The following PIWIL2 variants were observed in gnomAD, a reference collection of about 807,000 sequenced individuals.
PIWIL2 encodes piwi like RNA-mediated gene silencing 2.
A neutral mutation model predicts 116.5 loss-of-function variants in PIWIL2; 81 were observed. The ratio of observed to expected loss-of-function variants is 0.70; its 90% CI spans 0.58 to 0.84. PIWIL2 has a LOEUF of 0.84. Ranked by LOEUF, PIWIL2 falls within the 40% of genes least tolerant of loss-of-function variation. The probability of loss-of-function intolerance (pLI) is 0.00; values close to 1 mark genes in which losing one functional copy is unlikely to be tolerated. For synonymous variants in PIWIL2, 489 were observed against 429.5 expected (o/e 1.14, Z -1.71); for missense variants, 1,272 against 1,212.3 (o/e 1.05, Z -0.73).
intron 20 of PIWIL2, among the ~76,000 whole-genome samples, chr8:22,321,061 T>G (rs1385813367): frequency 1.3e-5 from 2 of 152,250 alleles, no homozygotes; most frequent in African/African-American, 4.8e-5. Context: ...CTCTGTTTCT[T>G]TATCTGAACT....
In PIWIL2 at chr8:22,356,073, A is replaced by G. The variant is rs947269668; in HGVS notation, c.*568A>G. ...GTTGACAAAGCAAGACTCTGTCTCA[A>G]AAAAAAAAAAAAAAAGCCAACATGA... On this transcript the variant is annotated 3_prime_UTR_variant, in exon 23 of 23. Coordinates refer to ENST00000356766, the MANE Select transcript of PIWIL2 (RefSeq NM_018068.5). The G allele has an allele frequency of 1.4e-5, 2 of 144,648 alleles. No homozygotes were observed. The highest frequency in any genetic ancestry group is 3.0e-5 in the Non-Finnish European group (2 of 66,238). The allele number at this position is 144,648 out of a possible 1,614,324, so 9.0% of individuals were successfully genotyped here. A position where few individuals can be genotyped will look rare whatever the true frequency, so the allele number is the denominator to read the frequency against.
intron 8 of PIWIL2, 80 bp from the exon 9 acceptor site, chr8:22,289,767 A>G: frequency 1.2e-6 from 1 of 847,436 alleles, no homozygotes; most frequent in Non-Finnish European, 2.0e-6. Context: ...CAGACTTCCA[A>G]AGGCAAATGT....
chr8:22,307,523 C>CCCAGG (rs1831214668), intron 13 of PIWIL2, among the ~76,000 whole-genome samples: 1 of 136,174 alleles, frequency 7.3e-6, no homozygotes, highest in South Asian at 2.3e-4. Context: ...TGCTCTGTTG[C>CCCAGG]CCAGGCTGGA....
intron 10 of PIWIL2, among the ~76,000 whole-genome samples, chr8:22,299,939 A>T (rs937953324): frequency 2.7e-5 from 4 of 147,612 alleles, no homozygotes; most frequent in Non-Finnish European, 4.5e-5. Context: ...TTATTTTATT[A>T]TTTTTTTTTT....
intron 10 of PIWIL2, among the ~76,000 whole-genome samples, chr8:22,300,306 C>T (rs1190563859): frequency 6.6e-6 from 1 of 152,032 alleles, no homozygotes; most frequent in East Asian, 1.9e-4. Context: ...TTTCACTTAG[C>T]GTTATTTTGA....
chr8:22,334,367 C>A (rs1219619166), intron 20 of PIWIL2, among the ~76,000 whole-genome samples: 1 of 151,406 alleles, frequency 6.6e-6, no homozygotes, highest in Non-Finnish European at 1.5e-5. Flanking sequence ...ACTAAAAATA[C>A]AAAAATTAGC....
chr8:22,356,837 A>T lies in PIWIL2; in HGVS notation c.*1332A>T, dbSNP rs1326605263. ...ACCATGGGTTTCAGTGTTTTTGGAA[A>T]CCCGTTTTTTTCTGGTTTTTTTTCC... On this transcript the variant is annotated 3_prime_UTR_variant, in exon 23 of 23. Transcript: ENST00000356766. The T allele has an allele frequency of 2.0e-5, 3 of 151,548 alleles. No homozygotes were observed. 9.4% of individuals were successfully genotyped at this position (151,548 alleles called of 1,614,324 possible).
chr8:22,352,762 G>A (rs1832401500), intron 20 of PIWIL2, 197 bp from the exon 21 acceptor site: 1 of 511,734 alleles, frequency 2.0e-6, no homozygotes, highest in Non-Finnish European at 3.4e-6. Context: ...GCTGCACCAG[G>A]CGTGTTTTAC....
chr8:22,310,430 C>T (rs1831300626), intron 15 of PIWIL2, among the ~76,000 whole-genome samples: 1 of 152,072 alleles, frequency 6.6e-6, no homozygotes, highest in Non-Finnish European at 1.5e-5. Context: ...AGTACCTCAC[C>T]TAGGGAACTA....
At chr8:22,350,393 G>A (rs776981640) in intron 20 of PIWIL2, among the ~76,000 whole-genome samples, 2 of 151,270 alleles carry the variant, frequency 1.3e-5, no homozygotes, top group Non-Finnish European at 2.9e-5. Flanking sequence ...CCAGGAGTTC[G>A]AGACTAGCCC....
chr8:22,276,867 C>A (rs556688501), intron 1 of PIWIL2, among the ~76,000 whole-genome samples: 2 of 151,718 alleles, frequency 1.3e-5, no homozygotes, highest in African/African-American at 4.8e-5. Flanking sequence ...GCCACCACTT[C>A]ACTGTAGCCT....
intron 10 of PIWIL2, among the ~76,000 whole-genome samples, chr8:22,297,772 C>T (rs767308740): frequency 6.6e-6 from 1 of 152,092 alleles, no homozygotes; most frequent in Non-Finnish European, 1.5e-5. Flanking sequence ...GGGGTTTCAC[C>T]AAATTTTTAC....
At chr8:22,314,819 T>TGGTGTGTGTGTATG (rs1831416337) in intron 17 of PIWIL2, among the ~76,000 whole-genome samples, 1 of 152,040 alleles carries the variant, frequency 6.6e-6, no homozygotes, top group Non-Finnish European at 1.5e-5. Flanking sequence ...TTTGGGTTTG[T>TGGTGTGTGTGTATG]GGTGTGTGTG....
In PIWIL2 at chr8:22,352,961, G is replaced by A. The variant is rs1234548143; in HGVS notation, c.2406G>A (p.Val802=). 6.2e-7 allele frequency: 1 copy of A among 1,609,904 alleles called. No homozygotes were observed. The highest frequency in any genetic ancestry group is 8.5e-7 in the Non-Finnish European group (1 of 1,176,888). ...LVGSLKKFYE[V]NHCLPEKIVV... ...CCACATCCTCGCTGTCATTTCAGGT[G>A]AACCACTGTCTACCAGAGAAGATTG... The change falls in exon 21 of 23, where the codon GTG becomes GTA. Residue 802 remains valine, a splice_region_variant and synonymous_variant. Transcript: ENST00000356766.
chr8:22,304,149 C>T lies in PIWIL2; in HGVS notation c.1310C>T (p.Thr437Ile). Residue 437 changes from threonine (T) to isoleucine (I), a missense_variant, in exon 11 of 23, where the codon ACT becomes ATT. Coordinates refer to ENST00000356766, the MANE Select transcript of PIWIL2 (RefSeq NM_018068.5). ...YRIDDVDWNKTPKDSFTMSDG... is the reference protein window; with the variant it reads ...YRIDDVDWNKIPKDSFTMSDG... ...ATTGATGATGTGGATTGGAATAAGA[C>T]TCCAAAGGATAGCTTCACGATGTCT... 1 of 1,613,150 alleles carries T rather than the reference C, an allele frequency of 6.2e-7. No homozygotes were observed. The highest frequency in any genetic ancestry group is 8.5e-7 in the Non-Finnish European group (1 of 1,179,140).
chr8:22,315,522 G>A (rs1378431727), intron 18 of PIWIL2, among the ~76,000 whole-genome samples: 2 of 152,084 alleles, frequency 1.3e-5, no homozygotes, highest in Non-Finnish European at 2.9e-5. Flanking sequence ...TCACCATGTT[G>A]GCCAGGCTGG....
chr8:22,316,739 C>G (rs1219693460), intron 19 of PIWIL2, among the ~76,000 whole-genome samples: 1 of 152,124 alleles, frequency 6.6e-6, no homozygotes, highest in Non-Finnish European at 1.5e-5. Context: ...ACCTCAGCCT[C>G]CCACAGTGCT....
chr8:22,340,358 A>G (rs1413852108), intron 20 of PIWIL2, among the ~76,000 whole-genome samples: 1 of 152,016 alleles, frequency 6.6e-6, no homozygotes, highest in Non-Finnish European at 1.5e-5. Flanking sequence ...CGCCTGGCCT[A>G]TAAAAAGAAT....
At chr8:22,315,375 G>A (rs1244583768) in intron 18 of PIWIL2, among the ~76,000 whole-genome samples, 1 of 152,168 alleles carries the variant, frequency 6.6e-6, no homozygotes, top group Non-Finnish European at 1.5e-5. Context: ...GGAGTGCGAT[G>A]GCACGATCTT....
Sources: allele counts gnomAD v4.1 joint callset (sites outside exome capture counted in the v4.1 genomes callset), GRCh38; gene constraint gnomAD v4.1.1; transcripts MANE v1.5; gene names NCBI Gene and HGNC (gene_info 2026-07-23, HGNC 2026-07-21).